Variants in TNPO1 observed in about 807,000 individuals in gnomAD.
TNPO1 encodes the protein transportin-1.
Under a neutral mutation model 119.5 loss-of-function variants are expected in TNPO1, and 8 were observed. The observed-to-expected ratio is 0.07, with a 90% CI of 0.04 to 0.12. The LOEUF is 0.12. Ranked by LOEUF, TNPO1 falls within the 10% of genes least tolerant of loss-of-function variation. The pLI is 1.00. For missense variants in TNPO1, 576 were observed against 1,089.8 expected, an observed-to-expected ratio of 0.53 and a Z score of 6.64; for synonymous variants, 362 against 363.0, an observed-to-expected ratio of 1.00 and a Z score of 0.03.
chr5:72,877,519 A>T (rs182751595), intron 9 of TNPO1, among the ~76,000 whole-genome samples, 173 bp downstream of exon 9: 1 of 152,210 alleles, frequency 6.6e-6, no homozygotes, highest in East Asian at 1.9e-4. Context: ...TGCCTATTTT[A>T]AAAAAAATTA....
intron 11 of TNPO1, among the ~76,000 whole-genome samples, 174 bp from the exon 12 acceptor site, chr5:72,886,888 CAAAAAAAA>C (rs5868651): frequency 7.1e-5 from 5 of 70,370 alleles, no homozygotes; most frequent in Admixed American, 3.9e-4. Flanking sequence ...GACTCCATCT[CAAAAAAAA>C]AAAAAAAAAA....
At chr5:72,906,950 C>A (rs1354818699) in intron 24 of TNPO1, among the ~76,000 whole-genome samples, 1 of 152,052 alleles carries the variant, frequency 6.6e-6, no homozygotes, top group East Asian at 1.9e-4. Flanking sequence ...AGATGTACAC[C>A]AAGTTGAATT....
At chr5:72,870,423 G>T (rs1479779460) in intron 6 of TNPO1, among the ~76,000 whole-genome samples, 1 of 152,000 alleles carries the variant, frequency 6.6e-6, no homozygotes, top group African/African-American at 2.4e-5. Context: ...TAGCCTCCCA[G>T]AGTGCTGGGA....
Position 72,913,655 on chromosome 5 carries a change from A to G in TNPO1, c.*4982A>G, listed in dbSNP as rs961540125. ...CTGTGGCTTGGTATTATTCAAGATTAGCTATTTCGCTGGTATTACATCTTT... is the reference window on the plus strand; with the variant it reads ...CTGTGGCTTGGTATTATTCAAGATTGGCTATTTCGCTGGTATTACATCTTT... On this transcript the variant is annotated 3_prime_UTR_variant, in exon 25 of 25. Coordinates refer to ENST00000337273, the MANE Select transcript of TNPO1 (RefSeq NM_002270.4). 36 of 152,638 alleles carry G rather than the reference A, an allele frequency of 2.4e-4. No homozygotes were observed. The highest frequency in any genetic ancestry group is 8.4e-4 in the African/African-American group (35 of 41,556). 9.5% of individuals were successfully genotyped at this position (152,638 alleles called of 1,614,324 possible).
intron 22 of TNPO1, among the ~76,000 whole-genome samples, chr5:72,902,513 GT>G (rs575506017): frequency 1.8e-4 from 26 of 143,060 alleles, no homozygotes; most frequent in Admixed American, 2.1e-4. Flanking sequence ...CTGGGTTTTT[GT>G]TTTTTTTTTT....
chr5:72,872,857 TTC>T (rs1747507147), intron 7 of TNPO1, 137 bp downstream of exon 7: 5 of 518,734 alleles, frequency 9.6e-6, no homozygotes, highest in Non-Finnish European at 1.7e-5. Context: ...ATTAAATTAT[TTC>T]TGATAGTATT....
intron 4 of TNPO1, among the ~76,000 whole-genome samples, chr5:72,858,099 A>C (rs2112293992): frequency 6.6e-6 from 1 of 152,326 alleles, no homozygotes; most frequent in African/African-American, 2.4e-5. Context: ...TCAGTATAGA[A>C]ACAGCTTTTA....
chr5:72,881,677 T>A (rs1182728027), intron 9 of TNPO1, among the ~76,000 whole-genome samples: 1 of 152,240 alleles, frequency 6.6e-6, no homozygotes, highest in East Asian at 1.9e-4. Context: ...ATTCTCTTAA[T>A]TCACTTTGAG....
intron 1 of TNPO1, among the ~76,000 whole-genome samples, chr5:72,829,340 T>C (rs1744343599): frequency 6.6e-6 from 1 of 152,170 alleles, no homozygotes; most frequent in Non-Finnish European, 1.5e-5. Context: ...ATGATGAAAA[T>C]TTGTCTCCAA....
In TNPO1 at chr5:72,910,520, CTTTCCATT is replaced by C. The variant is rs1750492040; in HGVS notation, c.*1852_*1859del. 6.6e-6 allele frequency: 1 copy of C among 152,596 alleles called. No individual in the cohort carries two copies. Among genetic ancestry groups the C allele is most frequent in the Admixed American group, 6.5e-5 (1 of 15,280 alleles). 9.5% of individuals were successfully genotyped at this position (152,596 alleles called of 1,614,324 possible). On this transcript the variant is annotated 3_prime_UTR_variant, in exon 25 of 25. Coordinates refer to ENST00000337273, the MANE Select transcript of TNPO1 (RefSeq NM_002270.4). The stretch of plus-strand genomic sequence containing the variant: ...CTGCTGGTCAGAGATGAAGCCACGC[CTTTCCATT>C]TTTCAATGCTGCATATTTAATCTGC...
intron 4 of TNPO1, among the ~76,000 whole-genome samples, chr5:72,859,844 G>T (rs762873111): frequency 6.6e-6 from 1 of 152,146 alleles, no homozygotes; most frequent in Admixed American, 6.5e-5. Context: ...TCCCGTATTT[G>T]TTATAAATAC....
chr5:72,891,801 T>C lies in TNPO1; in HGVS notation c.1702-9T>C. 5 of 1,580,752 alleles carry C rather than the reference T, an allele frequency of 3.2e-6. No homozygotes were observed. The highest frequency in any genetic ancestry group is 4.3e-6 in the Non-Finnish European group (5 of 1,158,082). On this transcript the variant is annotated splice_polypyrimidine_tract_variant and intron_variant, in intron 14 of 24. Transcript: ENST00000337273. ...TGGAATTTTATATGTTTTTCATCAT[T>C]GTAAATAGGAATATATTCAGATGCT... is the stretch of plus-strand genomic sequence containing the variant.
At position 72,906,275 on chromosome 5, in the gene TNPO1, C is replaced by CTTTTTTTTTTTTTTTTTTTT. The variant is rs869051297; in HGVS notation, c.*35+849_*35+868dup. Among the ~76,000 whole-genome samples the CTTTTTTTTTTTTTTTTTTTT allele has an allele frequency of 1.8e-4, 10 of 54,688 alleles. 1 individual carries two copies. The highest frequency in any genetic ancestry group is 4.8e-4 in the African/African-American group (7 of 14,698). 35.9% of individuals were successfully genotyped at this position (54,688 alleles called of 152,430 possible). On this transcript the variant is annotated intron_variant, in intron 24 of 24. Coordinates refer to ENST00000337273, the MANE Select transcript of TNPO1 (RefSeq NM_002270.4). ...CCATGTGCCCATCACTTTTTTTTTTCTTTTTTTTTTTTTTTTTTTTTTTTT... is the reference window on the plus strand; with the variant it reads ...CCATGTGCCCATCACTTTTTTTTTTCTTTTTTTTTTTTTTTTTTTTTTTTTTTTTTTTTTTTTTTTTTTTT...
At position 72,893,691 on chromosome 5, in the gene TNPO1, A is replaced by G. The variant is rs947747833; in HGVS notation, c.2131A>G (p.Lys711Glu). The change falls in exon 18 of 25, where the codon AAG becomes GAG. Residue 711 changes from lysine to glutamate, a missense_variant. Transcript: ENST00000337273. ...DLTKACFQHV[K>E]PCIADFMPIL... is the part of the protein sequence containing the mutation. ...CACAAAAGCTTGCTTTCAGCATGTT[A>G]AGCCTTGTATAGGTATGAATATTTT... The G allele has an allele frequency of 1.2e-6, 2 of 1,614,150 alleles. No individual in the cohort carries two copies. Among genetic ancestry groups the G allele is most frequent in the Non-Finnish European group, 1.7e-6 (2 of 1,179,984 alleles).
At chr5:72,817,057 G>A (rs1362399800) in intron 1 of TNPO1, 10 of 417,060 alleles carry the variant, frequency 2.4e-5, no homozygotes, top group Non-Finnish European at 4.3e-5. Context: ...TACATTCAGG[G>A]GAGCGTTTGC....
chr5:72,902,057 A>G (rs1159041604), intron 22 of TNPO1, among the ~76,000 whole-genome samples: 2 of 151,700 alleles, frequency 1.3e-5, no homozygotes, highest in Admixed American at 6.6e-5. Flanking sequence ...TCTGGGGGAC[A>G]AGAGCGAGAC....
intron 3 of TNPO1, among the ~76,000 whole-genome samples, chr5:72,851,602 C>T (rs1745569866): frequency 6.6e-6 from 1 of 152,200 alleles, no homozygotes; most frequent in Non-Finnish European, 1.5e-5. Context: ...AAGCAATGCT[C>T]ATGCCAAACC....
At chr5:72,903,474 T>TG (rs1384029663) in intron 22 of TNPO1, among the ~76,000 whole-genome samples, 1 of 152,226 alleles carries the variant, frequency 6.6e-6, no homozygotes, top group Non-Finnish European at 1.5e-5. Context: ...TGTTGTGTGA[T>TG]GCAGGACATT....
At position 72,828,951 on chromosome 5, in the gene TNPO1, T is replaced by A. The variant is rs141336063; in HGVS notation, c.15+12199T>A. On this transcript the variant is annotated intron_variant, in intron 1 of 24. Transcript: ENST00000337273. ...GCAAGAAAAGTAAAGATACTTTATA[T>A]GTAAATTTATCAGACTTTGGCATAA... Among the ~76,000 whole-genome samples the A allele has an allele frequency of 5.0e-3, 757 of 152,330 alleles. 5 individuals are homozygous for A. The highest frequency in any genetic ancestry group is 0.024 in the Middle Eastern group (7 of 294).
Sources: gnomAD v4.1 joint callset for allele counts (sites outside exome capture counted in the v4.1 genomes callset) on GRCh38, gnomAD v4.1.1 for gene constraint, MANE v1.5 for transcripts, NCBI Gene and HGNC (gene_info 2026-07-23, HGNC 2026-07-21) for gene names.